Variants in MAN1A1 observed in about 807,000 individuals in gnomAD.
MAN1A1 encodes the protein mannosidase alpha class 1A member 1, also known as mannosyl-oligosaccharide 1,2-alpha-mannosidase IA.
Under a neutral mutation model 70.8 loss-of-function variants are expected in MAN1A1, and 29 were observed. That is an observed-to-expected ratio of 0.41 (90% confidence interval 0.31 to 0.56). MAN1A1 has a LOEUF of 0.56. Ranked by LOEUF, MAN1A1 falls within the 20% of genes least tolerant of loss-of-function variation. The pLI is 0.29. For missense variants in MAN1A1, 747 were observed against 841.3 expected (o/e 0.89, Z 1.39); for synonymous variants, 349 against 330.1 (o/e 1.06, Z -0.62).
intron 3 of MAN1A1, among the ~76,000 whole-genome samples, chr6:119,306,647 AG>A (rs1772532801): frequency 6.6e-6 from 1 of 152,184 alleles, no homozygotes; most frequent in Admixed American, 6.6e-5. Flanking sequence ...GAGAATCTTT[AG>A]AAGTATGCCC....
chr6:119,335,537 G>A (rs1773428950), intron 2 of MAN1A1, among the ~76,000 whole-genome samples: 1 of 152,132 alleles, frequency 6.6e-6, no homozygotes, highest in African/African-American at 2.4e-5. Context: ...ACGGACCTAT[G>A]AGATAAAAAA....
intron 5 of MAN1A1, among the ~76,000 whole-genome samples, chr6:119,279,010 C>A (rs1028344547): frequency 6.6e-6 from 1 of 152,054 alleles, no homozygotes; most frequent in Non-Finnish European, 1.5e-5. Context: ...TCTTTTATAG[C>A]AATACAAAAT....
At position 119,201,354 on chromosome 6, in the gene MAN1A1, T is replaced by A; in HGVS notation, c.1117-7A>T. ...CTGTTCGAATATTCATTACCTATAA[T>A]AGAAAATAAAATGTTACCGTGAAAA... On this transcript the variant is annotated splice_polypyrimidine_tract_variant and splice_region_variant and intron_variant, in intron 7 of 12. Coordinates refer to ENST00000368468, the MANE Select transcript of MAN1A1 (RefSeq NM_005907.4). 2 of 1,579,404 alleles carry A rather than the reference T, an allele frequency of 1.3e-6. 1 individual carries two copies. Among genetic ancestry groups the A allele is most frequent in the South Asian group, 2.2e-5 (2 of 89,932 alleles).
chr6:119,184,395 A>C (rs188736636), intron 11 of MAN1A1, among the ~76,000 whole-genome samples: 10 of 152,350 alleles, frequency 6.6e-5, no homozygotes, highest in Admixed American at 1.3e-4. Flanking sequence ...AATAGCAAGC[A>C]TCATGAGTTA....
intron 2 of MAN1A1, among the ~76,000 whole-genome samples, chr6:119,308,616 C>T (rs149224282): frequency 3.0e-4 from 46 of 152,102 alleles, no homozygotes; most frequent in African/African-American, 1.0e-3. Flanking sequence ...CAGGTAATCA[C>T]GTTTATTAAA....
At chr6:119,239,160 G>T (rs1192217153) in intron 6 of MAN1A1, among the ~76,000 whole-genome samples, 1 of 151,868 alleles carries the variant, frequency 6.6e-6, no homozygotes, top group East Asian at 1.9e-4. Flanking sequence ...TTACAGGCGT[G>T]AGCCACCGCA....
Position 119,275,392 on chromosome 6 carries a change from C to T in MAN1A1, c.897+15291G>A, listed in dbSNP as rs1183898595. On this transcript the variant is annotated intron_variant, in intron 5 of 12. Transcript: ENST00000368468. Reference sequence around the variant, plus strand: ...CGGGATCTCGGCTCACTGCAAGCTCCGCCTCCCGGGTTCACGCCATTCTCC... The same window carrying T: ...CGGGATCTCGGCTCACTGCAAGCTCTGCCTCCCGGGTTCACGCCATTCTCC... Among the ~76,000 whole-genome samples the T allele has an allele frequency of 1.8e-4, 23 of 129,788 alleles. 1 individual carries two copies. The highest frequency in any genetic ancestry group is 6.2e-4 in the Admixed American group (8 of 12,810). 85.1% of individuals were successfully genotyped at this position (129,788 alleles called of 152,430 possible).
At position 119,178,448 on chromosome 6, in the gene MAN1A1, T is replaced by G. The variant is rs1445580357; in HGVS notation, c.*1371A>C. 1 of 152,112 alleles carries G rather than the reference T, an allele frequency of 6.6e-6. No homozygotes were observed. The highest frequency in any genetic ancestry group is 1.5e-5 in the Non-Finnish European group (1 of 67,968). 9.4% of individuals were successfully genotyped at this position (152,112 alleles called of 1,614,324 possible). A position where few individuals can be genotyped will look rare whatever the true frequency, so the allele number is the denominator to read the frequency against. ...TTCAGTATATGCATCGTATTAGCCC[T>G]TTCATGGAAGTATATCTACATAAAT... is the stretch of plus-strand genomic sequence containing the variant. On this transcript the variant is annotated 3_prime_UTR_variant, in exon 13 of 13. Coordinates refer to ENST00000368468, the MANE Select transcript of MAN1A1 (RefSeq NM_005907.4).
chr6:119,307,866 C>T (rs1241613699), intron 2 of MAN1A1, among the ~76,000 whole-genome samples: 1 of 152,152 alleles, frequency 6.6e-6, no homozygotes, highest in African/African-American at 2.4e-5. Context: ...AAGCATCACA[C>T]AAAGTTATAG....
chr6:119,214,740 A>G (rs1774149416), intron 6 of MAN1A1, among the ~76,000 whole-genome samples: 2 of 151,868 alleles, frequency 1.3e-5, no homozygotes, highest in Admixed American at 1.3e-4. Flanking sequence ...TTGTGAGCTC[A>G]AGTGATCTGC....
At chr6:119,265,303 T>C (rs188403796) in intron 5 of MAN1A1, among the ~76,000 whole-genome samples, 137 of 152,150 alleles carry the variant, frequency 9.0e-4, no homozygotes, top group African/African-American at 3.2e-3. Context: ...CTTGTTTTGT[T>C]ACCCAGGCTG....
At chr6:119,190,369 A>T (rs1466725942) in intron 9 of MAN1A1, among the ~76,000 whole-genome samples, 2 of 152,156 alleles carry the variant, frequency 1.3e-5, no homozygotes, top group African/African-American at 4.8e-5. Context: ...GGCAAAGAGG[A>T]GGTGTTCTGG....
intron 6 of MAN1A1, among the ~76,000 whole-genome samples, chr6:119,210,223 T>C (rs953182991): frequency 9.9e-5 from 15 of 152,208 alleles, no homozygotes; most frequent in Non-Finnish European, 1.8e-4. Flanking sequence ...GATGCCACAT[T>C]TCTCGTTCCC....
rs1776129295 is a variant in MAN1A1 at position 119,278,169 on chromosome 6, C to G, written c.897+12514G>C. On this transcript the variant is annotated intron_variant, in intron 5 of 12. Transcript: ENST00000368468. Reference sequence around the variant, plus strand: ...CTGAAAAAACAAAACAAAACAAAAACCAATGACAAAAATCCAAAACAAATT... The same window carrying G: ...CTGAAAAAACAAAACAAAACAAAAAGCAATGACAAAAATCCAAAACAAATT... Among the ~76,000 whole-genome samples, 3 of 151,648 alleles carry G rather than the reference C, an allele frequency of 2.0e-5. No individual in the cohort carries two copies. The South Asian group carries it at 6.2e-4, about 32-fold the overall frequency.
chr6:119,269,534 T>C, intron 5 of MAN1A1: 1 of 195,182 alleles, frequency 5.1e-6, no homozygotes, highest in Admixed American at 5.3e-5. Flanking sequence ...TTGGTGTTCA[T>C]CTACTTGTGA....
chr6:119,183,242 G>T (rs930178472), intron 11 of MAN1A1, among the ~76,000 whole-genome samples: 2 of 152,160 alleles, frequency 1.3e-5, no homozygotes, highest in African/African-American at 4.8e-5. Flanking sequence ...AGAAAATAAA[G>T]AAAATGCCTC....
chr6:119,231,799 T>C (rs1467254251), intron 6 of MAN1A1, among the ~76,000 whole-genome samples: 1 of 152,144 alleles, frequency 6.6e-6, no homozygotes, highest in Non-Finnish European at 1.5e-5. Context: ...GTCAAAAAGA[T>C]GGCATAAAGG....
intron 6 of MAN1A1, among the ~76,000 whole-genome samples, chr6:119,244,758 T>TC (rs1775124058): frequency 1.3e-5 from 2 of 152,210 alleles, no homozygotes; most frequent in African/African-American, 2.4e-5. Context: ...CCTTGGTCCA[T>TC]CTTAGGTTTG....
chr6:119,195,322 G>A (rs1773540127), intron 8 of MAN1A1, among the ~76,000 whole-genome samples: 1 of 152,074 alleles, frequency 6.6e-6, no homozygotes, highest in Non-Finnish European at 1.5e-5. Context: ...TTGCTATAAA[G>A]CCCTTCTTTT....
Sources: allele counts gnomAD v4.1 joint callset (sites outside exome capture counted in the v4.1 genomes callset), GRCh38; gene constraint gnomAD v4.1.1; transcripts MANE v1.5; gene names NCBI Gene and HGNC (gene_info 2026-07-23, HGNC 2026-07-21).